Variants in PPP2R2B observed in about 807,000 individuals in gnomAD.
PPP2R2B encodes the protein serine/threonine-protein phosphatase 2A 55 kDa regulatory subunit B beta isoform.
Under a neutral mutation model 46.0 loss-of-function variants are expected in PPP2R2B, and 5 were observed. That is an observed-to-expected ratio of 0.11 (90% CI 0.06 to 0.23). The LOEUF (loss-of-function observed/expected upper bound fraction) is 0.23, where lower values mean the gene tolerates loss of function less well. Ranked by LOEUF, PPP2R2B falls within the 10% of genes least tolerant of loss-of-function variation. The pLI is 1.00. For synonymous variants in PPP2R2B, 215 were observed against 206.7 expected, an observed-to-expected ratio of 1.04 and a Z score of -0.34; for missense variants, 367 against 575.0, an observed-to-expected ratio of 0.64 and a Z score of 3.70.
chr5:146,874,560 AG>A (rs1761790466), intron 2 of PPP2R2B, among the ~76,000 whole-genome samples: 1 of 152,194 alleles, frequency 6.6e-6, no homozygotes, highest in Non-Finnish European at 1.5e-5. Context: ...TCTTTGGCAT[AG>A]GTTCTATTGT....
At chr5:146,870,225 A>C (rs897331077) in intron 2 of PPP2R2B, among the ~76,000 whole-genome samples, 2 of 152,202 alleles carry the variant, frequency 1.3e-5, no homozygotes, top group Non-Finnish European at 2.9e-5. Flanking sequence ...CCCCAGTGTT[A>C]TGGACCAAAT....
rs993126830 is a variant in PPP2R2B at position 146,837,291 on chromosome 5, G to A, written c.70+40711C>T. 4.6e-5 allele frequency among the ~76,000 whole-genome samples: 7 copies of A among 152,206 alleles called. No homozygotes were observed. In the South Asian group the frequency reaches 1.0e-3, roughly 22 times the overall value. On this transcript the variant is annotated intron_variant, in intron 2 of 9. Transcript: ENST00000394411. ...GTAGATGAGTTGTAGTTTAATGTAA[G>A]TTGTTCTGAGCCCATTTAAAGTAGG...
At position 146,593,018 on chromosome 5, in the gene PPP2R2B, A is replaced by C; in HGVS notation, c.1005T>G (p.Asn335Lys). ...LRSKLCSLYE[N>K]DCIFDKFECV... is the part of the protein sequence containing the mutation. Reference sequence around the variant, plus strand: ...ACTCAAATTTATCAAAAATGCAGTCATTTTCATAGAGGGAACACAGCTTGC... The same window carrying C: ...ACTCAAATTTATCAAAAATGCAGTCCTTTTCATAGAGGGAACACAGCTTGC... Residue 335 changes from asparagine to lysine, a missense_variant, in exon 9 of 10, where the codon AAT becomes AAG. Asn to Lys is a moderately conservative substitution (Grantham distance 94). This residue lies in a region of PPP2R2B where 361 missense variants were observed against 545.5 expected (regional missense o/e 0.66). Coordinates refer to ENST00000394411, the MANE Select transcript of PPP2R2B (RefSeq NM_181675.4). 2 of 1,614,076 alleles carry C rather than the reference A, an allele frequency of 1.2e-6. No homozygotes were observed. Among genetic ancestry groups the C allele is most frequent in the Non-Finnish European group, 1.7e-6 (2 of 1,179,936 alleles).
intron 2 of PPP2R2B, among the ~76,000 whole-genome samples, chr5:146,868,208 T>C (rs934176754): frequency 2.6e-5 from 4 of 152,240 alleles, no homozygotes; most frequent in African/African-American, 9.6e-5. Context: ...CTTTGCCAAA[T>C]GGCTCCTCTC....
intron 6 of PPP2R2B, among the ~76,000 whole-genome samples, chr5:146,640,216 G>A (rs747023161): frequency 1.1e-4 from 17 of 152,084 alleles, no homozygotes; most frequent in Non-Finnish European, 2.1e-4. Flanking sequence ...AACCCTATTG[G>A]GTTCTTTCTA....
At chr5:146,876,953 T>A (rs1761930631) in intron 2 of PPP2R2B, among the ~76,000 whole-genome samples, 1 of 152,226 alleles carries the variant, frequency 6.6e-6, no homozygotes, top group South Asian at 2.1e-4. Flanking sequence ...TACAGAAATG[T>A]TAGCATCCAA....
intron 2 of PPP2R2B, among the ~76,000 whole-genome samples, chr5:146,795,763 G>A (rs1320535825): frequency 1.3e-5 from 2 of 152,094 alleles, no homozygotes; most frequent in African/African-American, 4.8e-5. Context: ...AAAACGTCAG[G>A]TTGTGCAACT....
Position 146,590,130 on chromosome 5 carries a change from C to T in PPP2R2B, c.1149G>A (p.Lys383=). Residue 383 remains lysine, a synonymous_variant, in exon 10 of 10, where the codon AAG becomes AAA. Coordinates refer to ENST00000394411, the MANE Select transcript of PPP2R2B (RefSeq NM_181675.4). ...VTLEASRENS[K]PRAILKPRKV... ...TTCGGGGTTTGAGGATAGCCCGGGGCTTGCTGTTTTCCCTCGAAGCCTCAA... is the reference window on the plus strand; with the variant it reads ...TTCGGGGTTTGAGGATAGCCCGGGGTTTGCTGTTTTCCCTCGAAGCCTCAA... 6.2e-7 allele frequency: 1 copy of T among 1,613,418 alleles called. No individual in the cohort carries two copies. Among genetic ancestry groups the T allele is most frequent in the Non-Finnish European group, 8.5e-7 (1 of 1,180,028 alleles).
At chr5:146,689,395 T>C (rs1037905422) in intron 5 of PPP2R2B, among the ~76,000 whole-genome samples, 1 of 152,242 alleles carries the variant, frequency 6.6e-6, no homozygotes, top group Non-Finnish European at 1.5e-5. Flanking sequence ...GTCTTTTCTA[T>C]GCTTAGATAT....
chr5:146,666,241 T>G (rs1360431619), intron 5 of PPP2R2B, among the ~76,000 whole-genome samples: 2 of 152,120 alleles, frequency 1.3e-5, no homozygotes, highest in African/African-American at 4.8e-5. Context: ...CAAAACAAAG[T>G]CATATCTGTT....
intron 7 of PPP2R2B, among the ~76,000 whole-genome samples, chr5:146,615,515 T>TAAAAAAAAAAAAAAAAAAAAAAAA (rs1364774106): frequency 3.5e-4 from 25 of 70,924 alleles, no homozygotes; most frequent in Middle Eastern, 8.5e-3. Flanking sequence ...AAAAAAAAAT[T>TAAAAAAAAAAAAAAAAAAAAAAAA]AAAAAAAAAA....
chr5:146,847,593 G>T (rs1343201788), intron 2 of PPP2R2B, among the ~76,000 whole-genome samples: 2 of 152,160 alleles, frequency 1.3e-5, no homozygotes, highest in East Asian at 3.9e-4. Context: ...GGTGGTGGAT[G>T]TAGAACACAA....
chr5:146,628,445 G>A (rs998227513), intron 7 of PPP2R2B, among the ~76,000 whole-genome samples: 10 of 152,182 alleles, frequency 6.6e-5, no homozygotes, highest in African/African-American at 2.2e-4. Flanking sequence ...TGGACTTGCT[G>A]GTAGAGCCAG....
intron 2 of PPP2R2B, among the ~76,000 whole-genome samples, chr5:146,804,166 CA>C (rs559681616): frequency 0.045 from 5,990 of 133,226 alleles, 313 homozygotes; most frequent in African/African-American, 0.13. Context: ...GACTCTGTCT[CA>C]AAAAAAAAAA....
chr5:146,939,361 A>C (rs931453427), intron 1 of PPP2R2B, among the ~76,000 whole-genome samples: 3 of 152,148 alleles, frequency 2.0e-5, no homozygotes, highest in Non-Finnish European at 4.4e-5. Context: ...AAACTGTGAG[A>C]CCCTGAGCAC....
At chr5:147,017,945 G>C (rs892808967) in intron 1 of PPP2R2B, among the ~76,000 whole-genome samples, 1 of 151,974 alleles carries the variant, frequency 6.6e-6, no homozygotes, top group Non-Finnish European at 1.5e-5. Flanking sequence ...CTCAAGATAA[G>C]TTAGAAGATG....
intron 2 of PPP2R2B, among the ~76,000 whole-genome samples, chr5:146,839,667 G>C (rs1759509603): frequency 6.6e-6 from 1 of 152,122 alleles, no homozygotes; most frequent in Non-Finnish European, 1.5e-5. Context: ...TGCTAAATCT[G>C]CTGACCATCC....
At chr5:146,801,737 T>C (rs1756880119) in intron 2 of PPP2R2B, among the ~76,000 whole-genome samples, 1 of 152,088 alleles carries the variant, frequency 6.6e-6, no homozygotes, top group Non-Finnish European at 1.5e-5. Context: ...GCTATGAGAG[T>C]GAAAGGGATG....
At chr5:146,682,460 A>T (rs1778237539) in intron 5 of PPP2R2B, among the ~76,000 whole-genome samples, 1 of 152,210 alleles carries the variant, frequency 6.6e-6, no homozygotes, top group South Asian at 2.1e-4. Flanking sequence ...CTCTGTAAGA[A>T]AGTATAGTTA....
Sources: allele counts gnomAD v4.1 joint callset (sites outside exome capture counted in the v4.1 genomes callset), GRCh38; gene constraint gnomAD v4.1.1; regional missense constraint gnomAD v4.1.1; transcripts MANE v1.5; gene names NCBI Gene and HGNC (gene_info 2026-07-23, HGNC 2026-07-21).